UROC1: variants seen among roughly 807,000 people sequenced by gnomAD.
UROC1 encodes the protein urocanate hydratase 1.
A neutral mutation model predicts 89.5 loss-of-function variants in UROC1; 79 were observed. That is an observed-to-expected ratio of 0.88 (90% confidence interval 0.74 to 1.06). UROC1 has a LOEUF of 1.06. UROC1 is among the 50% of genes least tolerant of loss of function. The probability of loss-of-function intolerance (pLI) is 0.00; values close to 1 mark genes in which losing one functional copy is unlikely to be tolerated. For synonymous variants in UROC1, 361 were observed against 354.8 expected (o/e 1.02, Z -0.20); for missense variants, 885 against 907.8 (o/e 0.97, Z 0.32).
chr3:126,512,994 A>G (rs1201242608), intron 1 of UROC1, among the ~76,000 whole-genome samples: 1 of 152,250 alleles, frequency 6.6e-6, no homozygotes, highest in Non-Finnish European at 1.5e-5. Flanking sequence ...TACAGCAGAC[A>G]TGGGAAGCTA....
intron 3 of UROC1, among the ~76,000 whole-genome samples, 196 bp from the exon 4 acceptor site, chr3:126,508,671 G>A (rs1560126942): frequency 6.6e-6 from 1 of 152,136 alleles, no homozygotes; most frequent in African/African-American, 2.4e-5. Context: ...TCAGCTTGGG[G>A]TCAGGGGCAG....
intron 18 of UROC1, among the ~76,000 whole-genome samples, chr3:126,485,640 G>A (rs990415250): frequency 6.7e-6 from 1 of 149,724 alleles, no homozygotes; most frequent in Admixed American, 6.6e-5. Context: ...TGTTTCCCAG[G>A]CTTTACTCAA....
chr3:126,509,851 G>A lies in UROC1; in HGVS notation c.258-173C>T, dbSNP rs576197942. 3.1e-4 allele frequency among the ~76,000 whole-genome samples: 47 copies of A among 152,334 alleles called. 1 individual carries two copies. In the South Asian group the frequency reaches 7.5e-3, roughly 24 times the overall value. ...AGCCACTAGGGCTGAGGGAGGTGGCGTTCAGGCCCCAACCCACCCTGCTCT... is the reference window on the plus strand; with the variant it reads ...AGCCACTAGGGCTGAGGGAGGTGGCATTCAGGCCCCAACCCACCCTGCTCT... On this transcript the variant is annotated intron_variant, in intron 2 of 19. Coordinates refer to ENST00000290868, the MANE Select transcript of UROC1 (RefSeq NM_144639.3).
chr3:126,515,556 AC>A (rs67490407), intron 1 of UROC1, among the ~76,000 whole-genome samples: 15,481 of 38,898 alleles, frequency 0.4, 3,016 homozygotes, highest in Admixed American at 0.45. Context: ...CCCACCACCT[AC>A]CCCCTTCCAC....
chr3:126,497,528 C>T (rs1301938964), intron 14 of UROC1, among the ~76,000 whole-genome samples: 2 of 152,178 alleles, frequency 1.3e-5, no homozygotes, highest in South Asian at 4.1e-4. Flanking sequence ...GGAAGGCTGG[C>T]GGGAGCATGT....
At chr3:126,483,331 C>A in intron 19 of UROC1, 38 bp downstream of exon 19, 1 of 1,566,488 alleles carries the variant, frequency 6.4e-7, no homozygotes, top group South Asian at 1.1e-5. Context: ...AGCTGAAGGC[C>A]CTGCCTTCAG....
chr3:126,491,832 G>A (rs1935660345), intron 16 of UROC1, among the ~76,000 whole-genome samples: 1 of 152,164 alleles, frequency 6.6e-6, no homozygotes, highest in South Asian at 2.1e-4. Context: ...GTTACTTTGT[G>A]GAAGCTGACT....
rs1214415701 is a variant in UROC1 at position 126,505,915 on chromosome 3, C to T, written c.669+30G>A. ...CCCCTCCACCCCCCATGCTGGGAAG[C>T]CCACAGCCAGGCGTGGCCCCATCTC... On this transcript the variant is annotated intron_variant, in intron 7 of 19. Transcript: ENST00000290868. 3.7e-6 allele frequency: 6 copies of T among 1,612,146 alleles called. No homozygotes were observed. The African/African-American group carries it at 4.0e-5, about 11-fold the overall frequency.
intron 14 of UROC1, 104 bp from the exon 15 acceptor site, chr3:126,496,212 T>C (rs1490177500): frequency 8.5e-7 from 1 of 1,179,438 alleles, no homozygotes; most frequent in Non-Finnish European, 1.2e-6. Context: ...AGCCCACCAC[T>C]GAGCTAGGAC....
intron 9 of UROC1, among the ~76,000 whole-genome samples, chr3:126,502,667 G>A (rs1426756382): frequency 1.3e-5 from 2 of 151,700 alleles, no homozygotes; most frequent in African/African-American, 4.8e-5. Flanking sequence ...GTGCCTGTGT[G>A]TGCATGCATG....
chr3:126,512,349 G>GGGCACTGC (rs1474692573), intron 1 of UROC1, among the ~76,000 whole-genome samples: 5 of 152,354 alleles, frequency 3.3e-5, no homozygotes, highest in South Asian at 2.1e-4. Flanking sequence ...ACGGAACAAT[G>GGGCACTGC]GGCACTGCGG....
chr3:126,498,827 C>T (rs1935843766), intron 13 of UROC1, among the ~76,000 whole-genome samples: 1 of 152,142 alleles, frequency 6.6e-6, no homozygotes, highest in Admixed American at 6.5e-5. Flanking sequence ...TCATGTGGTC[C>T]CTCCTGCCCC....
chr3:126,505,106 C>T (rs1278550366), intron 8 of UROC1, among the ~76,000 whole-genome samples: 2 of 152,224 alleles, frequency 1.3e-5, no homozygotes, highest in African/African-American at 4.8e-5. Flanking sequence ...TCACCTTCCA[C>T]CATGAGTGGA....
chr3:126,507,696 G>A, intron 6 of UROC1, 46 bp downstream of exon 6: 1 of 1,595,006 alleles, frequency 6.3e-7, no homozygotes, highest in Non-Finnish European at 8.6e-7. Flanking sequence ...AATGACCCAT[G>A]GCTAACGGGG....
chr3:126,486,029 T>C (rs1935508260), intron 18 of UROC1, among the ~76,000 whole-genome samples: 1 of 152,164 alleles, frequency 6.6e-6, no homozygotes, highest in Admixed American at 6.5e-5. Flanking sequence ...TCCAGCGCAG[T>C]GTGGCCATGG....
chr3:126,483,268 A>G, intron 19 of UROC1, 101 bp downstream of exon 19: 1 of 1,121,610 alleles, frequency 8.9e-7, no homozygotes, highest in Non-Finnish European at 1.3e-6. Context: ...TCCGGCCCCC[A>G]TCCCCACACC....
intron 12 of UROC1, 147 bp from the exon 13 acceptor site, chr3:126,499,556 C>G: frequency 2.4e-6 from 2 of 833,740 alleles, no homozygotes; most frequent in Non-Finnish European, 4.0e-6. Context: ...CAGGGGCAGC[C>G]GTGGCCAGCA....
rs750021735 is a variant in UROC1 at position 126,496,078 on chromosome 3, T to C, written c.1469A>G (p.Asp490Gly). The part of the protein sequence containing the change: ...VKVSVKLQYM[D>G]NIRWIREAAR... ...GGCCTCCCGGATCCAGCGGATGTTGTCCATGTACTGCAGCTTCACAGACAC... is the reference window on the plus strand; with the variant it reads ...GGCCTCCCGGATCCAGCGGATGTTGCCCATGTACTGCAGCTTCACAGACAC... Residue 490 changes from aspartate to glycine, a missense_variant, in exon 15 of 20, where the codon GAC (aspartate) becomes GGC (glycine). Transcript: ENST00000290868. The C allele has an allele frequency of 6.2e-7, 1 of 1,613,422 alleles. No individual in the cohort carries two copies. Among genetic ancestry groups the C allele is most frequent in the Non-Finnish European group, 8.5e-7 (1 of 1,179,998 alleles).
rs1431992399 is a variant in UROC1, at chr3:126,505,691, C to T, written c.813+10G>A. 1 of 1,613,434 alleles carries T rather than the reference C, an allele frequency of 6.2e-7. No homozygotes were observed. The highest frequency in any genetic ancestry group is 8.5e-7 in the Non-Finnish European group (1 of 1,179,940). ...AGGCAGGAGCGAAGGCCAGGAGCCC[C>T]CCAGCTTACCTCTGCTATCACACCG... On this transcript the variant is annotated intron_variant, in intron 8 of 19. Coordinates refer to ENST00000290868, the MANE Select transcript of UROC1 (RefSeq NM_144639.3).
Sources: gnomAD v4.1 joint callset for allele counts (sites outside exome capture counted in the v4.1 genomes callset) on GRCh38, gnomAD v4.1.1 for gene constraint, MANE v1.5 for transcripts, NCBI Gene and HGNC (gene_info 2026-07-23, HGNC 2026-07-21) for gene names.